CUEDC1: variants seen among roughly 807,000 people sequenced by gnomAD.
CUEDC1 encodes the protein CUE domain-containing protein 1.
Under a neutral mutation model 43.7 loss-of-function variants are expected in CUEDC1, and 30 were observed. That is an observed-to-expected ratio of 0.69 (90% CI 0.51 to 0.93). The LOEUF (loss-of-function observed/expected upper bound fraction) is 0.93. Among genes scored for constraint, CUEDC1 ranks in the 40% least tolerant of loss-of-function variants. CUEDC1 has a pLI of 0.00. For synonymous variants in CUEDC1, 223 were observed against 223.6 expected, an observed-to-expected ratio of 1.00 and a Z score of 0.02; for missense variants, 486 against 549.0, an observed-to-expected ratio of 0.89 and a Z score of 1.15.
At chr17:57,918,417 C>G (rs2074665405) in intron 1 of CUEDC1, among the ~76,000 whole-genome samples, 2 of 152,348 alleles carry the variant, frequency 1.3e-5, no homozygotes, top group Middle Eastern at 6.8e-3. Context: ...GGTATCCCGC[C>G]CTGGGTTATA....
chr17:57,865,409 T>C (rs1030201026), intron 10 of CUEDC1, among the ~76,000 whole-genome samples: 1 of 152,120 alleles, frequency 6.6e-6, no homozygotes, highest in Admixed American at 6.5e-5. Flanking sequence ...TTTCCCTCCA[T>C]TGTGACTATC....
intron 1 of CUEDC1, among the ~76,000 whole-genome samples, chr17:57,947,368 T>G (rs575363359): frequency 6.6e-6 from 1 of 152,360 alleles, no homozygotes; most frequent in Admixed American, 6.5e-5. Flanking sequence ...CCGTTCATAT[T>G]TGGTTCACTC....
In CUEDC1 at chr17:57,885,590, T is replaced by C; in HGVS notation, c.-26A>G. The C allele has an allele frequency of 7.4e-7, 1 of 1,344,308 alleles. No individual in the cohort carries two copies. The highest frequency in any genetic ancestry group is 9.5e-7 in the Non-Finnish European group (1 of 1,054,106). 83.3% of individuals were successfully genotyped at this position (1,344,308 alleles called of 1,614,324 possible). A position where few individuals can be genotyped will look rare whatever the true frequency, so the allele number is the denominator to read the frequency against. Reference sequence around the variant, plus strand: ...TTTGCGGAGCCGCTTGGGGAAAATGTTTCTAGCCGGCCGCAAAGCCCCTTC... The same window carrying C: ...TTTGCGGAGCCGCTTGGGGAAAATGCTTCTAGCCGGCCGCAAAGCCCCTTC... On this transcript the variant is annotated 5_prime_UTR_variant, in exon 2 of 11. Transcript: ENST00000577830.
chr17:57,909,875 G>A (rs989633190), intron 1 of CUEDC1, among the ~76,000 whole-genome samples: 8 of 152,262 alleles, frequency 5.3e-5, no homozygotes, highest in South Asian at 2.1e-4. Context: ...ATGTGTGTGC[G>A]GGTAGACAGC....
At chr17:57,942,911 C>T (rs2074929718) in intron 1 of CUEDC1, among the ~76,000 whole-genome samples, 1 of 151,854 alleles carries the variant, frequency 6.6e-6, no homozygotes. Context: ...GCCTGTAGTC[C>T]CAGCTACTCG....
chr17:57,904,074 G>A (rs1332813002), intron 1 of CUEDC1, among the ~76,000 whole-genome samples: 3 of 152,172 alleles, frequency 2.0e-5, no homozygotes, highest in Non-Finnish European at 4.4e-5. Context: ...ACTCTGGGCA[G>A]CCAGACCCCA....
chr17:57,929,376 T>G (rs1490818732), intron 1 of CUEDC1, among the ~76,000 whole-genome samples: 1 of 152,162 alleles, frequency 6.6e-6, no homozygotes, highest in Non-Finnish European at 1.5e-5. Flanking sequence ...CCTGGATCTA[T>G]CTGACCCCAA....
chr17:57,949,904 C>A (rs1253327703), intron 1 of CUEDC1, among the ~76,000 whole-genome samples: 29 of 152,100 alleles, frequency 1.9e-4, no homozygotes. Context: ...AGCCAGACTT[C>A]CTGAATTCAA....
At chr17:57,906,267 A>G (rs980690354) in intron 1 of CUEDC1, among the ~76,000 whole-genome samples, 3 of 152,280 alleles carry the variant, frequency 2.0e-5, no homozygotes, top group African/African-American at 7.2e-5. Context: ...ATGGAATATT[A>G]CTCAGCCACA....
chr17:57,885,244 G>A lies in CUEDC1; in HGVS notation c.321C>T (p.Asp107=). 1 of 1,583,510 alleles carries A rather than the reference G, an allele frequency of 6.3e-7. No homozygotes were observed. The highest frequency in any genetic ancestry group is 8.6e-7 in the Non-Finnish European group (1 of 1,161,930). ...GCGCCCCTACCTCCGGGGGGATGCT[G>A]TCCTCCGAGTCGGAGCTGTCCTCAT... ...GVYEDSSDSE[D]SIPPEILERT... The change falls in exon 2 of 11, where the codon GAC becomes GAT. Residue 107 remains aspartate (D), a synonymous_variant. Coordinates refer to ENST00000577830, the MANE Select transcript of CUEDC1 (RefSeq NM_001271875.2).
intron 1 of CUEDC1, among the ~76,000 whole-genome samples, chr17:57,934,559 TAAAAAAAAAAAA>T (rs575832390): frequency 2.8e-4 from 18 of 65,366 alleles, no homozygotes; most frequent in South Asian, 6.0e-4. Context: ...CCTGTCTCTC[TAAAAAAAAAAAA>T]AAAAAAAAAA....
intron 1 of CUEDC1, among the ~76,000 whole-genome samples, chr17:57,941,252 A>T (rs2074914686): frequency 1.3e-5 from 2 of 152,218 alleles, no homozygotes; most frequent in Non-Finnish European, 2.9e-5. Context: ...AAAGTCCCCC[A>T]TGACTGAGCT....
At chr17:57,918,845 AATTTTT>A (rs549692241) in intron 1 of CUEDC1, among the ~76,000 whole-genome samples, 6 of 152,292 alleles carry the variant, frequency 3.9e-5, no homozygotes, top group South Asian at 2.1e-4. Flanking sequence ...TTTATATGTC[AATTTTT>A]ATTTTTATTT....
At chr17:57,916,978 T>G (rs2074649063) in intron 1 of CUEDC1, among the ~76,000 whole-genome samples, 1 of 152,136 alleles carries the variant, frequency 6.6e-6, no homozygotes, top group African/African-American at 2.4e-5. Context: ...ACTCTGTTCA[T>G]AAAACATCTC....
intron 1 of CUEDC1, among the ~76,000 whole-genome samples, chr17:57,912,037 C>T (rs2074588872): frequency 6.6e-6 from 1 of 152,218 alleles, no homozygotes; most frequent in African/African-American, 2.4e-5. Context: ...CTCTTTTCTT[C>T]ACAGAGGCCA....
At chr17:57,937,848 A>G (rs1428893408) in intron 1 of CUEDC1, among the ~76,000 whole-genome samples, 1 of 152,162 alleles carries the variant, frequency 6.6e-6, no homozygotes, top group Non-Finnish European at 1.5e-5. Context: ...TCCAGGCTGC[A>G]GTGAGCTGTG....
intron 1 of CUEDC1, among the ~76,000 whole-genome samples, chr17:57,920,136 C>T (rs1380806464): frequency 1.3e-5 from 2 of 152,154 alleles, no homozygotes; most frequent in Non-Finnish European, 2.9e-5. Flanking sequence ...CCCAGTAGGT[C>T]TTTTTGATTC....
At chr17:57,943,694 TCAAAG>T (rs2074935832) in intron 1 of CUEDC1, among the ~76,000 whole-genome samples, 1 of 151,896 alleles carries the variant, frequency 6.6e-6, no homozygotes, top group South Asian at 2.1e-4. Context: ...CATGCAACCC[TCAAAG>T]CAGATAGTAA....
intron 3 of CUEDC1, among the ~76,000 whole-genome samples, chr17:57,878,745 C>T (rs1461521140): frequency 6.6e-6 from 1 of 152,156 alleles, no homozygotes; most frequent in African/African-American, 2.4e-5. Context: ...TGGCTCACTG[C>T]AACCTCCGCC....
Sources: allele counts gnomAD v4.1 joint callset (sites outside exome capture counted in the v4.1 genomes callset), GRCh38; gene constraint gnomAD v4.1.1; transcripts MANE v1.5; gene names NCBI Gene and HGNC (gene_info 2026-07-23, HGNC 2026-07-21).